MMP16: variants seen among roughly 807,000 people sequenced by gnomAD.
MMP16 encodes the protein matrix metallopeptidase 16.
A neutral mutation model predicts 67.8 loss-of-function variants in MMP16; 12 were observed. That is an observed-to-expected ratio of 0.18 (90% CI 0.11 to 0.29). The LOEUF (loss-of-function observed/expected upper bound fraction) is 0.29, where lower values mean the gene tolerates loss of function less well. Among genes scored for constraint, MMP16 ranks in the 10% least tolerant of loss-of-function variants. MMP16 has a pLI of 1.00. For missense variants in MMP16, 475 were observed against 765.7 expected (o/e 0.62, Z 4.48); for synonymous variants, 249 against 255.9 (o/e 0.97, Z 0.26).
chr8:88,119,187 T>C (rs17665058), intron 4 of MMP16, among the ~76,000 whole-genome samples: 1,847 of 152,144 alleles, frequency 0.012, 21 homozygotes, highest in Non-Finnish European at 0.017. Flanking sequence ...ATGAAACACA[T>C]AACGTGAAAC....
chr8:88,149,278 T>C (rs978059986), intron 4 of MMP16, among the ~76,000 whole-genome samples: 1 of 152,140 alleles, frequency 6.6e-6, no homozygotes, highest in Non-Finnish European at 1.5e-5. Context: ...GCAGCGAGGC[T>C]GGGTGAGGGG....
intron 4 of MMP16, among the ~76,000 whole-genome samples, chr8:88,140,958 C>A (rs1808201823): frequency 6.6e-6 from 1 of 152,114 alleles, no homozygotes; most frequent in Non-Finnish European, 1.5e-5. Context: ...TCATTAGGAT[C>A]AAATTTGAAT....
At chr8:88,150,862 A>G (rs1461383141) in intron 4 of MMP16, among the ~76,000 whole-genome samples, 5 of 144,890 alleles carry the variant, frequency 3.5e-5, no homozygotes, top group East Asian at 4.3e-4. Flanking sequence ...ACACATAACA[A>G]TATTAACTTT....
chr8:88,193,766 C>T (rs889053608), intron 2 of MMP16, among the ~76,000 whole-genome samples: 7 of 151,822 alleles, frequency 4.6e-5, no homozygotes, highest in South Asian at 4.2e-4. Context: ...AAATATTTCA[C>T]CAAGCACACT....
chr8:88,267,937 T>C (rs970580253), intron 1 of MMP16, among the ~76,000 whole-genome samples: 1 of 152,166 alleles, frequency 6.6e-6, no homozygotes, highest in African/African-American at 2.4e-5. Flanking sequence ...GAAACCACAG[T>C]TTTTAATATA....
intron 2 of MMP16, among the ~76,000 whole-genome samples, chr8:88,192,678 A>C (rs1053058111): frequency 6.6e-6 from 1 of 152,232 alleles, no homozygotes; most frequent in African/African-American, 2.4e-5. Flanking sequence ...AAAGAATAAA[A>C]ATCATAAAAC....
At chr8:88,112,666 G>GGGGTGTGTGT (rs1554578643) in intron 6 of MMP16, among the ~76,000 whole-genome samples, 5 of 146,788 alleles carry the variant, frequency 3.4e-5, no homozygotes, top group African/African-American at 7.6e-5. Context: ...AGGACAGAAG[G>GGGGTGTGTGT]GTGTGTGTGT....
rs145346700 is a variant in MMP16 at position 88,112,384 on chromosome 8, T to C, written c.1083+4123A>G. 8.1e-3 allele frequency among the ~76,000 whole-genome samples: 1,230 copies of C among 151,830 alleles called. 20 individuals are homozygous for C. Among genetic ancestry groups the C allele is most frequent in the Middle Eastern group, 0.068 (20 of 294 alleles). ...TTTACACAACAAAATAACTAAAATA[T>C]TCAATGTTCTTATCTTGTAGTCCAA... On this transcript the variant is annotated intron_variant, in intron 6 of 9. Coordinates refer to ENST00000286614, the MANE Select transcript of MMP16 (RefSeq NM_005941.5).
intron 1 of MMP16, among the ~76,000 whole-genome samples, chr8:88,325,741 G>A (rs1313414845): frequency 2.6e-5 from 4 of 151,694 alleles, no homozygotes; most frequent in African/African-American, 7.3e-5. Flanking sequence ...TTTCAAATTG[G>A]GTTTTTTTTG....
chr8:88,069,625 A>C, intron 7 of MMP16: 2 of 428,894 alleles, frequency 4.7e-6, no homozygotes, highest in South Asian at 3.7e-5. Context: ...AAATTTAGGT[A>C]CTTTAATTCA....
intron 6 of MMP16, among the ~76,000 whole-genome samples, chr8:88,112,154 T>C (rs1301377785): frequency 6.6e-6 from 1 of 151,346 alleles, no homozygotes; most frequent in East Asian, 2.0e-4. Flanking sequence ...TTACTCCTCT[T>C]AAAGAACTGG....
intron 7 of MMP16, among the ~76,000 whole-genome samples, chr8:88,071,704 C>T (rs567306386): frequency 9.2e-5 from 14 of 152,204 alleles, no homozygotes; most frequent in South Asian, 4.1e-4. Context: ...TTGGTTCATT[C>T]GATCAATCTT....
In MMP16 at chr8:88,041,405, G is replaced by T; in HGVS notation, c.*56C>A. The stretch of plus-strand genomic sequence containing the variant: ...GAAACAGCATAACAGCTCTTGTCTT[G>T]AATCTCAAGTTACCACAAACTCCTG... On this transcript the variant is annotated 3_prime_UTR_variant, in exon 10 of 10. Coordinates refer to ENST00000286614, the MANE Select transcript of MMP16 (RefSeq NM_005941.5). This position sits in a 1 kb window ranked among gnomAD's most constrained non-coding sequence, Gnocchi z 6.0. The T allele has an allele frequency of 6.5e-7, 1 of 1,535,002 alleles. No homozygotes were observed. Among genetic ancestry groups the T allele is most frequent in the South Asian group, 1.2e-5 (1 of 80,822 alleles).
chr8:88,108,177 C>A (rs915232252), intron 6 of MMP16, among the ~76,000 whole-genome samples: 2 of 151,134 alleles, frequency 1.3e-5, no homozygotes, highest in African/African-American at 2.4e-5. Flanking sequence ...TTCCTGAATG[C>A]CAGGTGAAAA....
intron 1 of MMP16, among the ~76,000 whole-genome samples, chr8:88,209,079 G>A (rs1368607823): frequency 6.6e-6 from 1 of 152,066 alleles, no homozygotes; most frequent in Admixed American, 6.6e-5. Context: ...TTTCTATGAA[G>A]CAAGCACTGA....
intron 6 of MMP16, among the ~76,000 whole-genome samples, chr8:88,083,648 T>C (rs975907570): frequency 2.0e-5 from 3 of 152,040 alleles, no homozygotes; most frequent in Non-Finnish European, 2.9e-5. Flanking sequence ...GAATTAACTA[T>C]AAGAAAGAGT....
chr8:88,195,050 T>C (rs985820899), intron 2 of MMP16, among the ~76,000 whole-genome samples: 3 of 152,126 alleles, frequency 2.0e-5, no homozygotes, highest in Non-Finnish European at 2.9e-5. Flanking sequence ...AAGGCCTGTG[T>C]CCTTCTCTAT....
chr8:88,296,440 T>G (rs1262974601), intron 1 of MMP16, among the ~76,000 whole-genome samples: 1 of 152,148 alleles, frequency 6.6e-6, no homozygotes, highest in Non-Finnish European at 1.5e-5. Flanking sequence ...ATTAAACATT[T>G]GTTATTTTAG....
intron 6 of MMP16, among the ~76,000 whole-genome samples, chr8:88,101,560 C>T (rs558494160): frequency 6.6e-6 from 1 of 151,994 alleles, no homozygotes; most frequent in South Asian, 2.1e-4. Flanking sequence ...TGCCTAATGA[C>T]CTGACCAGTT....
Sources: gnomAD v4.1 joint callset for allele counts (sites outside exome capture counted in the v4.1 genomes callset) on GRCh38, gnomAD v4.1.1 for gene constraint, Gnocchi (gnomAD v3.1) non-coding constraint, MANE v1.5 for transcripts, NCBI Gene and HGNC (gene_info 2026-07-23, HGNC 2026-07-21) for gene names.